Variants in CAMK4 observed in about 807,000 individuals in gnomAD.
CAMK4 encodes calcium/calmodulin dependent protein kinase IV, also known as calcium/calmodulin-dependent protein kinase type IV.
In CAMK4, 22 loss-of-function variants were observed where a neutral mutation model predicts 44.9. That is an observed-to-expected ratio of 0.49 (90% CI 0.35 to 0.70). CAMK4 has a LOEUF of 0.70. Among genes scored for constraint, CAMK4 ranks in the 30% least tolerant of loss-of-function variants. CAMK4 has a pLI of 0.01. For missense variants in CAMK4, 498 were observed against 586.8 expected (o/e 0.85, Z 1.56); for synonymous variants, 218 against 215.4 (o/e 1.01, Z -0.11).
At chr5:111,326,939 T>C (rs1015862584) in intron 1 of CAMK4, among the ~76,000 whole-genome samples, 58 of 152,110 alleles carry the variant, frequency 3.8e-4, no homozygotes, top group African/African-American at 1.3e-3. Flanking sequence ...ACATTGTTAT[T>C]ATATGTTTAA....
At chr5:111,338,873 C>T (rs1016708724) in intron 1 of CAMK4, among the ~76,000 whole-genome samples, 3 of 149,742 alleles carry the variant, frequency 2.0e-5, no homozygotes, top group African/African-American at 5.0e-5. Context: ...ATCCTTGTAG[C>T]GTATTTTGAA....
At chr5:111,317,698 G>C (rs1748482880) in intron 1 of CAMK4, among the ~76,000 whole-genome samples, 1 of 151,848 alleles carries the variant, frequency 6.6e-6, no homozygotes. Context: ...CTGTGGTCAG[G>C]ACCAGCTTCA....
chr5:111,490,497 C>T lies in CAMK4; in HGVS notation c.*6031C>T, dbSNP rs1755779239. The T allele has an allele frequency of 6.6e-6, 1 of 152,182 alleles. No homozygotes were observed. Among genetic ancestry groups the T allele is most frequent in the Admixed American group, 6.6e-5 (1 of 15,256 alleles). The allele number at this position is 152,182 out of a possible 1,614,324, so 9.4% of individuals were successfully genotyped here. ...CCTGTAATCTCAGCTACTCAGGAGG[C>T]TGAGGCAGGAGAATCTCTTGAACCC... On this transcript the variant is annotated 3_prime_UTR_variant, in exon 11 of 11. Transcript: ENST00000282356.
chr5:111,291,284 TA>T (rs1317129690), intron 1 of CAMK4, among the ~76,000 whole-genome samples: 1 of 152,152 alleles, frequency 6.6e-6, no homozygotes, highest in Non-Finnish European at 1.5e-5. Context: ...ACATTTGTGA[TA>T]AAAAATACAA....
At chr5:111,330,788 A>G (rs1483894320) in intron 1 of CAMK4, among the ~76,000 whole-genome samples, 2 of 151,702 alleles carry the variant, frequency 1.3e-5, no homozygotes, top group African/African-American at 2.4e-5. Flanking sequence ...TGGCATAACA[A>G]TAGAGAGAAT....
intron 1 of CAMK4, among the ~76,000 whole-genome samples, chr5:111,294,742 G>C (rs950148302): frequency 1.3e-5 from 2 of 151,586 alleles, no homozygotes; most frequent in African/African-American, 4.9e-5. Context: ...TACTGTACCA[G>C]AAGTCCCTTG....
intron 1 of CAMK4, among the ~76,000 whole-genome samples, chr5:111,235,034 G>C (rs1748651873): frequency 6.6e-6 from 1 of 152,046 alleles, no homozygotes; most frequent in South Asian, 2.1e-4. Context: ...CCCTATTTTA[G>C]GTCTTTATGG....
intron 1 of CAMK4, among the ~76,000 whole-genome samples, chr5:111,260,948 A>G (rs568045080): frequency 2.6e-4 from 40 of 152,302 alleles, no homozygotes; most frequent in African/African-American, 9.6e-4. Flanking sequence ...TGGTTGTCTC[A>G]GTCATAGTTC....
chr5:111,485,965 TA>T lies in CAMK4; in HGVS notation c.*1505del, dbSNP rs1371210848. ...CTCAATTTTAAAAAAGAATTCATTT[TA>T]AAAAATAATTATTTTCAGAGACCAA... On this transcript the variant is annotated 3_prime_UTR_variant, in exon 11 of 11. Transcript: ENST00000282356. The T allele has an allele frequency of 1.3e-5, 2 of 152,176 alleles. No individual in the cohort carries two copies. Among genetic ancestry groups the T allele is most frequent in the African/African-American group, 4.8e-5 (2 of 41,448 alleles). The allele number at this position is 152,176 out of a possible 1,614,324, so 9.4% of individuals were successfully genotyped here. A position where few individuals can be genotyped will look rare whatever the true frequency, so the allele number is the denominator to read the frequency against.
chr5:111,359,827 A>G (rs908176340), intron 2 of CAMK4, among the ~76,000 whole-genome samples: 5 of 152,086 alleles, frequency 3.3e-5, no homozygotes, highest in African/African-American at 1.2e-4. Flanking sequence ...TTTTAGGATC[A>G]GAACAATCTA....
chr5:111,293,433 CT>C (rs1000264327), intron 1 of CAMK4, among the ~76,000 whole-genome samples: 68 of 146,552 alleles, frequency 4.6e-4, no homozygotes, highest in East Asian at 2.2e-3. Flanking sequence ...CGGTGGTCTA[CT>C]TTTTTTTTTT....
chr5:111,299,674 C>G (rs1200354180), intron 1 of CAMK4, among the ~76,000 whole-genome samples: 3 of 152,136 alleles, frequency 2.0e-5, no homozygotes, highest in Admixed American at 6.5e-5. Context: ...ACTTTCTAAA[C>G]TGTGACTGCT....
At chr5:111,321,593 A>G (rs1313656995) in intron 1 of CAMK4, among the ~76,000 whole-genome samples, 3 of 152,178 alleles carry the variant, frequency 2.0e-5, no homozygotes, top group African/African-American at 4.8e-5. Context: ...GCTCTCAGCC[A>G]CATGAATCCT....
intron 1 of CAMK4, among the ~76,000 whole-genome samples, chr5:111,294,001 CCT>C (rs1747386363): frequency 6.6e-6 from 1 of 152,122 alleles, no homozygotes. Flanking sequence ...CCTGCCTCGG[CCT>C]CCCAAAGTGC....
chr5:111,425,899 C>G (rs546921950), intron 5 of CAMK4, among the ~76,000 whole-genome samples: 2 of 152,144 alleles, frequency 1.3e-5, no homozygotes, highest in East Asian at 3.9e-4. Flanking sequence ...GGAATAGATA[C>G]TTTTTTTAAA....
intron 7 of CAMK4, among the ~76,000 whole-genome samples, chr5:111,461,977 A>G (rs1430847795): frequency 6.6e-6 from 1 of 151,892 alleles, no homozygotes; most frequent in Admixed American, 6.6e-5. Context: ...AACAAACAAG[A>G]CCCCTGACCT....
At chr5:111,467,934 T>TCACACACACACACACACACACACA (rs60254627) in intron 7 of CAMK4, among the ~76,000 whole-genome samples, 1 of 143,350 alleles carries the variant, frequency 7.0e-6, no homozygotes, top group East Asian at 2.1e-4. Context: ...AAAGAAATTG[T>TCACACACACACACACACACACACA]CACACACACA....
chr5:111,323,663 AAT>A (rs919051528), intron 1 of CAMK4, among the ~76,000 whole-genome samples: 3 of 152,112 alleles, frequency 2.0e-5, no homozygotes, highest in Non-Finnish European at 2.9e-5. Context: ...ATCTTGTTAA[AAT>A]ATGTCTCAAA....
intron 5 of CAMK4, among the ~76,000 whole-genome samples, chr5:111,403,372 G>C (rs1346656219): frequency 6.6e-6 from 1 of 152,048 alleles, no homozygotes; most frequent in African/African-American, 2.4e-5. Context: ...TTTGTTGTTT[G>C]TTTGAAACCT....
Sources: gnomAD v4.1 joint callset for allele counts (sites outside exome capture counted in the v4.1 genomes callset) on GRCh38, gnomAD v4.1.1 for gene constraint, MANE v1.5 for transcripts, NCBI Gene and HGNC (gene_info 2026-07-23, HGNC 2026-07-21) for gene names.